PEAK1: variants seen among roughly 807,000 people sequenced by gnomAD.
PEAK1 encodes the protein inactive tyrosine-protein kinase PEAK1.
Under a neutral mutation model 124.7 loss-of-function variants are expected in PEAK1, and 54 were observed. The ratio of observed to expected loss-of-function variants is 0.43; its 90% CI spans 0.35 to 0.54. The LOEUF is 0.54. Among genes scored for constraint, PEAK1 ranks in the 20% least tolerant of loss-of-function variants. PEAK1 has a pLI of 0.01. For synonymous variants in PEAK1, 719 were observed against 760.0 expected, an observed-to-expected ratio of 0.95 and a Z score of 0.89; for missense variants, 2,046 against 2,134.5, an observed-to-expected ratio of 0.96 and a Z score of 0.82.
At chr15:77,302,623 A>G (rs1024790149) in intron 2 of PEAK1, among the ~76,000 whole-genome samples, 5 of 152,202 alleles carry the variant, frequency 3.3e-5, no homozygotes, top group African/African-American at 4.8e-5. Flanking sequence ...AAGACTAAAC[A>G]GTCATACAGA....
At chr15:77,316,850 G>A (rs542508435) in intron 2 of PEAK1, among the ~76,000 whole-genome samples, 75 of 152,294 alleles carry the variant, frequency 4.9e-4, no homozygotes, top group Non-Finnish European at 8.7e-4. Flanking sequence ...GGCTGAGGCA[G>A]GCAGAAAACC....
Position 77,285,611 on chromosome 15 carries a change from C to T in PEAK1, c.-520-556G>A, listed in dbSNP as rs116319239. Among the ~76,000 whole-genome samples the T allele has an allele frequency of 7.3e-3, 1,113 of 152,230 alleles. 16 individuals carry two copies. The highest frequency in any genetic ancestry group is 0.025 in the African/African-American group (1,057 of 41,522). On this transcript the variant is annotated intron_variant, in intron 3 of 9. Transcript: ENST00000682557. The stretch of plus-strand genomic sequence containing the variant: ...TTCTGACCTCAAGCAATTTACCAAA[C>T]CTCACAAAACTTTCCATGTTAAAAT...
chr15:77,350,548 T>A, intron 2 of PEAK1: 1 of 979,540 alleles, frequency 1.0e-6, no homozygotes, highest in African/African-American at 1.7e-5. Context: ...GTGAGTCTCC[T>A]TAGTGTTAAA....
chr15:77,359,133 C>T (rs1265380254), intron 2 of PEAK1, among the ~76,000 whole-genome samples: 2 of 152,006 alleles, frequency 1.3e-5, no homozygotes, highest in African/African-American at 4.8e-5. Context: ...ATGTTTTCAC[C>T]CTAAGATCAG....
intron 2 of PEAK1, among the ~76,000 whole-genome samples, chr15:77,340,352 A>T (rs2141322333): frequency 6.6e-6 from 1 of 152,370 alleles, no homozygotes; most frequent in Non-Finnish European, 1.5e-5. Context: ...GATAAGTGAA[A>T]GAAGCCATCT....
chr15:77,408,273 T>C (rs2142084562), intron 1 of PEAK1, among the ~76,000 whole-genome samples: 1 of 151,098 alleles, frequency 6.6e-6, no homozygotes, highest in African/African-American at 2.4e-5. Context: ...TTATTCTAAG[T>C]GAAGTAACTC....
intron 2 of PEAK1, chr15:77,337,809 G>A (rs1597351336): frequency 1.5e-5 from 15 of 985,160 alleles, no homozygotes; most frequent in Non-Finnish European, 1.7e-5. Context: ...AATGGAAAAC[G>A]CTACTTTAGC....
chr15:77,312,814 C>G (rs901513806), intron 2 of PEAK1, among the ~76,000 whole-genome samples: 6 of 152,194 alleles, frequency 3.9e-5, no homozygotes, highest in Admixed American at 2.6e-4. Flanking sequence ...TGGACTTGTA[C>G]TTACATGTCC....
rs1344455096 is a variant in PEAK1, at chr15:77,127,255, T to TGG, written c.4077+5748_4077+5749dup. On this transcript the variant is annotated intron_variant, in intron 9 of 9. Transcript: ENST00000682557. ...GCCAAATCAGCTAGAACCTTGATCT[T>TGG]GGGTCTTCCAGCCTCCATAACTGTG... Among the ~76,000 whole-genome samples, 10 of 152,204 alleles carry TGG rather than the reference T, an allele frequency of 6.6e-5. No homozygotes were observed. In the South Asian group the frequency reaches 1.2e-3, roughly 19 times the overall value.
chr15:77,414,914 G>C (rs1002152993), intron 1 of PEAK1, among the ~76,000 whole-genome samples: 1 of 152,138 alleles, frequency 6.6e-6, no homozygotes, highest in African/African-American at 2.4e-5. Flanking sequence ...TTCTTCAGTA[G>C]AGCTACAATA....
chr15:77,222,428 T>C lies in PEAK1; in HGVS notation c.-115+29939A>G, dbSNP rs118049152. On this transcript the variant is annotated intron_variant, in intron 6 of 9. Coordinates refer to ENST00000682557, the MANE Select transcript of PEAK1 (RefSeq NM_001385026.1). ...TACTATCCAAGTGTTTCATATATAT[T>C]ACTGCTAATCACTAATTATCCCAAT... is the stretch of plus-strand genomic sequence containing the variant. Among the ~76,000 whole-genome samples, 18 of 152,178 alleles carry C rather than the reference T, an allele frequency of 1.2e-4. No homozygotes were observed. In the East Asian group the frequency reaches 3.3e-3, roughly 28 times the overall value.
chr15:77,332,273 G>C (rs921059082), intron 2 of PEAK1: 54 of 984,704 alleles, frequency 5.5e-5, no homozygotes, highest in Non-Finnish European at 6.0e-5. Flanking sequence ...AACTAAACAG[G>C]AATACCTGGT....
intron 2 of PEAK1, chr15:77,349,364 C>G: frequency 2.0e-6 from 2 of 983,478 alleles, no homozygotes; most frequent in Non-Finnish European, 2.4e-6. Flanking sequence ...TTTTTAAAGT[C>G]ACACTACAAA....
At chr15:77,388,834 G>T (rs2070189618) in intron 1 of PEAK1, among the ~76,000 whole-genome samples, 1 of 150,572 alleles carries the variant, frequency 6.6e-6, no homozygotes, top group Non-Finnish European at 1.5e-5. Flanking sequence ...CCATCAAACA[G>T]GCCTTATATG....
In PEAK1 at chr15:77,348,922, A is replaced by T. The variant is rs115294432; in HGVS notation, c.-603+16241T>A. 1,453 of 948,542 alleles carry T rather than the reference A, an allele frequency of 1.5e-3. 15 individuals carry two copies. The African/African-American group carries it at 0.024, about 16-fold the overall frequency. 58.8% of individuals were successfully genotyped at this position (948,542 alleles called of 1,614,324 possible). A position where few individuals can be genotyped will look rare whatever the true frequency, so the allele number is the denominator to read the frequency against. On this transcript the variant is annotated intron_variant, in intron 2 of 9. Coordinates refer to ENST00000682557, the MANE Select transcript of PEAK1 (RefSeq NM_001385026.1). ...CTCGCAAAGTGCTGGGATTATAGGC[A>T]TGACTTACCATGTATGGACTATGTC...
intron 1 of PEAK1, among the ~76,000 whole-genome samples, chr15:77,368,599 A>C (rs2068426672): frequency 6.6e-6 from 1 of 152,204 alleles, no homozygotes; most frequent in Non-Finnish European, 1.5e-5. Context: ...AGAAAAATAT[A>C]AATGAAACAT....
intron 2 of PEAK1, among the ~76,000 whole-genome samples, chr15:77,320,876 T>C (rs535076020): frequency 6.6e-6 from 1 of 151,972 alleles, no homozygotes; most frequent in African/African-American, 2.4e-5. Flanking sequence ...GTTCTCATTG[T>C]TCAATTCCCA....
intron 1 of PEAK1, among the ~76,000 whole-genome samples, chr15:77,371,866 A>G (rs1253811544): frequency 6.6e-6 from 1 of 152,258 alleles, no homozygotes. Context: ...CCCGGGAGAC[A>G]GAGGAAGACT....
chr15:77,232,936 G>A (rs1051900108), intron 6 of PEAK1, among the ~76,000 whole-genome samples: 4 of 150,486 alleles, frequency 2.7e-5, no homozygotes, highest in South Asian at 2.1e-4. Flanking sequence ...TAGTACAGAC[G>A]GGGTTTTACA....
Sources: gnomAD v4.1 joint callset for allele counts (sites outside exome capture counted in the v4.1 genomes callset) on GRCh38, gnomAD v4.1.1 for gene constraint, MANE v1.5 for transcripts, NCBI Gene and HGNC (gene_info 2026-07-23, HGNC 2026-07-21) for gene names.